Variants in GPC5 observed in about 807,000 individuals in gnomAD.
The protein encoded by GPC5 is glypican-5.
Under a neutral mutation model 53.9 loss-of-function variants are expected in GPC5, and 47 were observed. That is an observed-to-expected ratio of 0.87 (90% CI 0.69 to 1.11). GPC5 has a LOEUF of 1.11. Among genes scored for constraint, GPC5 ranks in the 50% most tolerant of loss-of-function variants. GPC5 has a pLI of 0.00. For missense variants in GPC5, 748 were observed against 713.1 expected, an observed-to-expected ratio of 1.05 and a Z score of -0.56; for synonymous variants, 286 against 263.3, an observed-to-expected ratio of 1.09 and a Z score of -0.84.
intron 2 of GPC5, among the ~76,000 whole-genome samples, chr13:91,642,470 A>G (rs2034452916): frequency 6.6e-6 from 1 of 152,208 alleles, no homozygotes; most frequent in Non-Finnish European, 1.5e-5. Flanking sequence ...AAGGAAAACT[A>G]GAGTGGAGTG....
intron 2 of GPC5, among the ~76,000 whole-genome samples, chr13:91,681,733 A>T (rs1024773313): frequency 1.3e-5 from 2 of 152,166 alleles, no homozygotes; most frequent in Non-Finnish European, 2.9e-5. Flanking sequence ...GCAGTTTTGT[A>T]CTTCATAATT....
intron 7 of GPC5, among the ~76,000 whole-genome samples, chr13:92,747,557 T>C (rs2139320028): frequency 6.6e-6 from 1 of 152,286 alleles, no homozygotes; most frequent in Admixed American, 6.5e-5. Context: ...TAAATGAGTC[T>C]GAATACTGGT....
At chr13:91,642,586 AT>A (rs957645077) in intron 2 of GPC5, among the ~76,000 whole-genome samples, 2 of 152,156 alleles carry the variant, frequency 1.3e-5, no homozygotes, top group African/African-American at 4.8e-5. Flanking sequence ...CTTCAAAGGA[AT>A]TTGGTGACAT....
intron 5 of GPC5, among the ~76,000 whole-genome samples, chr13:91,890,234 C>T (rs1055077924): frequency 2.0e-5 from 3 of 152,168 alleles, no homozygotes; most frequent in African/African-American, 7.2e-5. Context: ...CGTGGTAGTT[C>T]TTGTTATCAG....
intron 7 of GPC5, among the ~76,000 whole-genome samples, chr13:92,370,231 G>C (rs1320766526): frequency 6.6e-6 from 1 of 152,164 alleles, no homozygotes; most frequent in African/African-American, 2.4e-5. Flanking sequence ...CTAGTCCGTT[G>C]TGACAGTATT....
At chr13:92,424,855 A>G (rs1443882409) in intron 7 of GPC5, among the ~76,000 whole-genome samples, 1 of 151,482 alleles carries the variant, frequency 6.6e-6, no homozygotes, top group Non-Finnish European at 1.5e-5. Context: ...TTGAACATGT[A>G]CTGAGTCCTA....
At chr13:92,494,042 G>T (rs1405345031) in intron 7 of GPC5, among the ~76,000 whole-genome samples, 3 of 117,580 alleles carry the variant, frequency 2.6e-5, no homozygotes, top group East Asian at 3.2e-4. Flanking sequence ...GACATTAAAA[G>T]AATTACTTTG....
intron 7 of GPC5, among the ~76,000 whole-genome samples, chr13:92,280,657 A>G (rs1369929893): frequency 6.6e-6 from 1 of 152,196 alleles, no homozygotes; most frequent in Non-Finnish European, 1.5e-5. Flanking sequence ...TGACTGTATT[A>G]GAAGACTGAG....
intron 7 of GPC5, among the ~76,000 whole-genome samples, chr13:92,470,842 C>T (rs546287248): frequency 3.5e-4 from 54 of 152,286 alleles, no homozygotes; most frequent in Non-Finnish European, 2.4e-4. Context: ...TTGCTTGCCC[C>T]TCTAGATGTC....
chr13:92,733,341 A>G (rs1261150109), intron 7 of GPC5, among the ~76,000 whole-genome samples: 1 of 151,644 alleles, frequency 6.6e-6, no homozygotes, highest in Non-Finnish European at 1.5e-5. Flanking sequence ...CTTGTATTTA[A>G]GGAGATTGAG....
intron 1 of GPC5, among the ~76,000 whole-genome samples, chr13:91,440,520 A>G (rs1238743257): frequency 6.6e-6 from 1 of 152,080 alleles, no homozygotes; most frequent in Non-Finnish European, 1.5e-5. Flanking sequence ...CTTTTACCTC[A>G]TTGGAGATAG....
intron 7 of GPC5, among the ~76,000 whole-genome samples, chr13:92,265,715 T>G (rs926406365): frequency 1.3e-5 from 2 of 152,134 alleles, no homozygotes; most frequent in Non-Finnish European, 2.9e-5. Flanking sequence ...AGCTCCAAAG[T>G]TGCTTCCATA....
intron 7 of GPC5, among the ~76,000 whole-genome samples, chr13:92,614,191 T>C (rs1223234052): frequency 1.3e-5 from 2 of 152,130 alleles, no homozygotes; most frequent in African/African-American, 4.8e-5. Flanking sequence ...CTAATACCAT[T>C]AAAAATAATT....
intron 7 of GPC5, among the ~76,000 whole-genome samples, chr13:92,489,829 C>A (rs1332742932): frequency 6.6e-6 from 1 of 151,120 alleles, no homozygotes; most frequent in African/African-American, 2.4e-5. Context: ...CAGGAAGGAA[C>A]TCTTGGTTGA....
chr13:92,410,080 A>G (rs1281386343), intron 7 of GPC5, among the ~76,000 whole-genome samples: 1 of 152,180 alleles, frequency 6.6e-6, no homozygotes, highest in African/African-American at 2.4e-5. Flanking sequence ...GTATTACTTG[A>G]ACACACTTTT....
At chr13:92,817,146 A>G (rs1877504150) in intron 7 of GPC5, among the ~76,000 whole-genome samples, 2 of 152,030 alleles carry the variant, frequency 1.3e-5, no homozygotes, top group South Asian at 4.1e-4. Flanking sequence ...CTAAATTATC[A>G]TACTTATTTT....
Position 91,601,265 on chromosome 13 carries a change from T to C in GPC5, c.326-91922T>C, listed in dbSNP as rs865815154. On this transcript the variant is annotated intron_variant, in intron 2 of 7. Coordinates refer to ENST00000377067, the MANE Select transcript of GPC5 (RefSeq NM_004466.6). ...AAAAATATATGACACTCTGATCCACTGATTGCATGAAGAAAATATTACCTA... is the reference window on the plus strand; with the variant it reads ...AAAAATATATGACACTCTGATCCACCGATTGCATGAAGAAAATATTACCTA... 9.2e-5 allele frequency among the ~76,000 whole-genome samples: 14 copies of C among 152,226 alleles called. 1 individual carries two copies. Among genetic ancestry groups the C allele is most frequent in the Middle Eastern group, 6.3e-3 (2 of 316 alleles).
intron 7 of GPC5, among the ~76,000 whole-genome samples, chr13:92,176,557 G>T (rs969819335): frequency 6.6e-6 from 1 of 151,916 alleles, no homozygotes; most frequent in Non-Finnish European, 1.5e-5. Flanking sequence ...ATAAATGAAG[G>T]GTTTGACCCA....
intron 6 of GPC5, among the ~76,000 whole-genome samples, chr13:92,055,503 C>T (rs1420024700): frequency 2.6e-5 from 4 of 152,144 alleles, no homozygotes; most frequent in African/African-American, 9.7e-5. Context: ...TTTGGTAACA[C>T]AATATTTTTC....
Sources: gnomAD v4.1 joint callset for allele counts (sites outside exome capture counted in the v4.1 genomes callset) on GRCh38, gnomAD v4.1.1 for gene constraint, MANE v1.5 for transcripts, NCBI Gene and HGNC (gene_info 2026-07-23, HGNC 2026-07-21) for gene names.